The following JCAD variants were observed in gnomAD, a reference collection of about 807,000 sequenced individuals.
The protein encoded by JCAD is junctional cadherin 5 associated.
A neutral mutation model predicts 98.0 loss-of-function variants in JCAD; 40 were observed. That is an observed-to-expected ratio of 0.41 (90% CI 0.32 to 0.53). JCAD has a LOEUF of 0.53. Among genes scored for constraint, JCAD ranks in the 20% least tolerant of loss-of-function variants. The probability of loss-of-function intolerance (pLI) is 0.31; values close to 1 mark genes in which losing one functional copy is unlikely to be tolerated. For synonymous variants in JCAD, 691 were observed against 682.3 expected, an observed-to-expected ratio of 1.01 and a Z score of -0.20; for missense variants, 1,705 against 1,738.1, an observed-to-expected ratio of 0.98 and a Z score of 0.34.
intron 2 of JCAD, among the ~76,000 whole-genome samples, chr10:30,041,081 T>C (rs941346289): frequency 6.6e-6 from 1 of 152,134 alleles, no homozygotes; most frequent in African/African-American, 2.4e-5. Context: ...AGAAGCCTCA[T>C]GTTCAAAGGA....
At chr10:30,069,460 A>T (rs1467498054) in intron 2 of JCAD, among the ~76,000 whole-genome samples, 2 of 149,884 alleles carry the variant, frequency 1.3e-5, no homozygotes, top group East Asian at 3.9e-4. Context: ...AAAAAAAAAA[A>T]AAAAAAAATT....
At chr10:30,109,411 A>C (rs1838648249) in intron 1 of JCAD, among the ~76,000 whole-genome samples, 1 of 151,940 alleles carries the variant, frequency 6.6e-6, no homozygotes, top group Non-Finnish European at 1.5e-5. Context: ...ATTTCCCCAG[A>C]CTTCCAAGTT....
intron 2 of JCAD, among the ~76,000 whole-genome samples, chr10:30,031,968 A>ATG (rs1157171541): frequency 4.8e-5 from 7 of 145,428 alleles, no homozygotes; most frequent in Non-Finnish European, 1.1e-4. Context: ...TTTAGCCGGG[A>ATG]TGGTCTCGAT....
In JCAD at chr10:30,028,372, A is replaced by G. The variant is rs1836890253; in HGVS notation, c.1776T>C (p.His592=). 2 of 1,614,050 alleles carry G rather than the reference A, an allele frequency of 1.2e-6. No individual in the cohort carries two copies. Among genetic ancestry groups the G allele is most frequent in the Admixed American group, 3.3e-5 (2 of 60,004 alleles). The part of the protein sequence containing the change: ...LVSIPVKSES[H]LPDRDMDNND... The stretch of plus-strand genomic sequence containing the variant: ...TGTTGTCCATATCTCTATCTGGCAG[A>G]TGTGATTCTGATTTCACTGGGATAG... Residue 592 remains histidine, a synonymous_variant, in exon 3 of 4, where the codon CAT becomes CAC. Coordinates refer to ENST00000375377, the MANE Select transcript of JCAD (RefSeq NM_020848.4).
intron 2 of JCAD, among the ~76,000 whole-genome samples, chr10:30,037,484 G>A (rs911627009): frequency 6.6e-6 from 1 of 152,180 alleles, no homozygotes; most frequent in African/African-American, 2.4e-5. Context: ...CTGGCAGAAT[G>A]GTAACTAGAA....
chr10:30,037,232 T>C (rs1325647504), intron 2 of JCAD, among the ~76,000 whole-genome samples: 1 of 152,220 alleles, frequency 6.6e-6, no homozygotes, highest in South Asian at 2.1e-4. Flanking sequence ...CTGCAATTTC[T>C]TTTTTCAGCA....
At chr10:30,071,845 T>C (rs985813093) in intron 1 of JCAD, among the ~76,000 whole-genome samples, 4 of 152,086 alleles carry the variant, frequency 2.6e-5, no homozygotes, top group Admixed American at 6.5e-5. Flanking sequence ...ACTACATTTA[T>C]ATGAACAAAA....
chr10:30,027,571 ACTGCTG>A lies in JCAD; in HGVS notation c.2571_2576del (p.Ser858_Ser859del). On this transcript the variant is annotated inframe_deletion, in exon 3 of 4. Coordinates refer to ENST00000375377, the MANE Select transcript of JCAD (RefSeq NM_020848.4). The stretch of plus-strand genomic sequence containing the variant: ...GCTGCGGCTCCGCCTCACTCTCCTC[ACTGCTG>A]CTGCTGCTGCTGCTGCTGCTACTGC... The A allele has an allele frequency of 1.2e-6, 2 of 1,612,340 alleles. No homozygotes were observed. The highest frequency in any genetic ancestry group is 1.7e-6 in the Non-Finnish European group (2 of 1,179,430).
At chr10:30,078,617 C>T (rs140982553) in intron 1 of JCAD, among the ~76,000 whole-genome samples, 109 of 152,274 alleles carry the variant, frequency 7.2e-4, no homozygotes, top group African/African-American at 2.6e-3. Flanking sequence ...GAAATTATAC[C>T]TGTGATAGAA....
At chr10:30,032,176 C>T (rs1837016653) in intron 2 of JCAD, among the ~76,000 whole-genome samples, 1 of 152,178 alleles carries the variant, frequency 6.6e-6, no homozygotes, top group Non-Finnish European at 1.5e-5. Flanking sequence ...GTGAAACTCT[C>T]TGCAAGGCAG....
At chr10:30,090,403 G>A (rs547529891) in intron 1 of JCAD, among the ~76,000 whole-genome samples, 86 of 152,200 alleles carry the variant, frequency 5.7e-4, no homozygotes, top group African/African-American at 1.4e-3. Flanking sequence ...TTAGCCAGGC[G>A]TGGTGGCGGG....
At chr10:30,083,184 AG>A (rs1395665426) in intron 1 of JCAD, among the ~76,000 whole-genome samples, 2 of 152,276 alleles carry the variant, frequency 1.3e-5, no homozygotes, top group East Asian at 3.9e-4. Context: ...CATGAGAAGA[AG>A]GAAAAAATAA....
At chr10:30,040,999 G>A (rs762741844) in intron 2 of JCAD, among the ~76,000 whole-genome samples, 34 of 152,110 alleles carry the variant, frequency 2.2e-4, no homozygotes, top group Non-Finnish European at 3.7e-4. Context: ...GATGCATGAG[G>A]CCCTCGGCAG....
chr10:30,101,259 TATAGCTGGGCGTGGTGGCCC>T (rs1480578315), intron 1 of JCAD, among the ~76,000 whole-genome samples: 1 of 151,870 alleles, frequency 6.6e-6, no homozygotes, highest in African/African-American at 2.4e-5. Context: ...ATACAAAAAA[TATAGCTGGGCGTGGTGGCCC>T]ATTCCTGTAA....
chr10:30,095,863 C>T (rs538069657), intron 1 of JCAD, among the ~76,000 whole-genome samples: 2 of 152,300 alleles, frequency 1.3e-5, no homozygotes, highest in African/African-American at 4.8e-5. Flanking sequence ...TAAAAAATGA[C>T]CACATTAGTA....
At chr10:30,036,074 C>T (rs564376810) in intron 2 of JCAD, among the ~76,000 whole-genome samples, 21 of 152,240 alleles carry the variant, frequency 1.4e-4, no homozygotes, top group Non-Finnish European at 2.6e-4. Context: ...GGAGACAGTT[C>T]TGTTCATTCA....
At chr10:30,081,242 T>G (rs1838079019) in intron 1 of JCAD, among the ~76,000 whole-genome samples, 1 of 152,072 alleles carries the variant, frequency 6.6e-6, no homozygotes, top group South Asian at 2.1e-4. Flanking sequence ...GATAAAGGAG[T>G]AGAACAAAGC....
At chr10:30,105,543 C>T (rs566535072) in intron 1 of JCAD, among the ~76,000 whole-genome samples, 19 of 152,160 alleles carry the variant, frequency 1.2e-4, no homozygotes, top group Middle Eastern at 3.4e-3. Context: ...AGCCTGGTCT[C>T]GAACTCCTGA....
chr10:30,030,659 G>A (rs1836972491), intron 2 of JCAD, among the ~76,000 whole-genome samples: 1 of 152,150 alleles, frequency 6.6e-6, no homozygotes, highest in Non-Finnish European at 1.5e-5. Flanking sequence ...GAATTGCTAA[G>A]AGAGAGATTG....
Sources: allele counts gnomAD v4.1 joint callset (sites outside exome capture counted in the v4.1 genomes callset), GRCh38; gene constraint gnomAD v4.1.1; transcripts MANE v1.5; gene names NCBI Gene and HGNC (gene_info 2026-07-23, HGNC 2026-07-21).